Variants in UHRF1 observed in about 807,000 individuals in gnomAD.
The protein encoded by UHRF1 is ubiquitin like with PHD and ring finger domains 1, also known as E3 ubiquitin-protein ligase UHRF1.
In UHRF1, 9 loss-of-function variants were observed where a neutral mutation model predicts 96.5. The observed-to-expected ratio is 0.09, with a 90% confidence interval of 0.06 to 0.16. The LOEUF (loss-of-function observed/expected upper bound fraction) is 0.16. Among genes scored for constraint, UHRF1 ranks in the 10% least tolerant of loss-of-function variants. The pLI is 1.00. For synonymous variants in UHRF1, 455 were observed against 469.9 expected, an observed-to-expected ratio of 0.97 and a Z score of 0.41; for missense variants, 626 against 1,131.1, an observed-to-expected ratio of 0.55 and a Z score of 6.40.
chr19:4,929,058 G>C (rs1327065677), intron 2 of UHRF1, among the ~76,000 whole-genome samples, 164 bp from the exon 3 acceptor site: 1 of 152,198 alleles, frequency 6.6e-6, no homozygotes, highest in East Asian at 1.9e-4. Context: ...CTTGTGAGCG[G>C]GACAGCCCCC....
chr19:4,908,263 C>T (rs2656927), upstream of UHRF1, among the ~76,000 whole-genome samples: 15,088 of 152,142 alleles, frequency 0.099, 876 homozygotes, highest in Non-Finnish European at 0.13. Context: ...CGCATATCTT[C>T]GGGGGCCATG....
At chr19:4,957,420 C>T (rs147345704) in intron 16 of UHRF1, among the ~76,000 whole-genome samples, 1,733 of 151,286 alleles carry the variant, frequency 0.011, 19 homozygotes, top group Non-Finnish European at 0.019. Context: ...GCCATTCTCC[C>T]ACCTCAGCCT....
At chr19:4,959,882 G>A (rs185595764) in intron 16 of UHRF1, among the ~76,000 whole-genome samples, 6 of 151,646 alleles carry the variant, frequency 4.0e-5, no homozygotes, top group East Asian at 1.9e-4. Flanking sequence ...TCTTTGAGAC[G>A]CAGAGTCTTG....
intron 7 of UHRF1, among the ~76,000 whole-genome samples, chr19:4,942,254 G>A (rs959080128): frequency 2.6e-5 from 4 of 151,720 alleles, no homozygotes; most frequent in Admixed American, 6.6e-5. Context: ...GCAGTGGCGC[G>A]ATCTCAGCTC....
Position 4,941,675 on chromosome 19 carries a change from G to T in UHRF1, c.886+47G>T, listed in dbSNP as rs1310267859. ...CCCCATCTTCCGCGGTGGGCACGGGGCGGGGGCTCTTGTCCCGTCTCTGGC... is the reference window on the plus strand; with the variant it reads ...CCCCATCTTCCGCGGTGGGCACGGGTCGGGGGCTCTTGTCCCGTCTCTGGC... On this transcript the variant is annotated intron_variant, in intron 6 of 16. Transcript: ENST00000650932. The T allele has an allele frequency of 3.2e-6, 5 of 1,584,304 alleles. No homozygotes were observed. In the African/African-American group the frequency reaches 4.0e-5, roughly 13 times the overall value.
At chr19:4,959,689 A>T (rs1391709458) in intron 16 of UHRF1, among the ~76,000 whole-genome samples, 2 of 151,724 alleles carry the variant, frequency 1.3e-5, no homozygotes, top group Non-Finnish European at 2.9e-5. Context: ...CTTTCTTCTC[A>T]TTGACGTGTA....
Position 4,933,017 on chromosome 19 carries a change from C to G in UHRF1, c.785+61C>G. The stretch of plus-strand genomic sequence containing the variant: ...TCCTTTCCTCCCCTCCCGGGGCCCC[C>G]GGACTGGCTTTGAAGCCGTCCAGCC... On this transcript the variant is annotated intron_variant, in intron 5 of 16. Transcript: ENST00000650932. 2.0e-6 allele frequency: 3 copies of G among 1,506,152 alleles called. 1 individual carries two copies. The South Asian group carries it at 3.8e-5, about 19-fold the overall frequency. 93.3% of individuals were successfully genotyped at this position (1,506,152 alleles called of 1,614,324 possible).
chr19:4,954,921 C>G lies in UHRF1; in HGVS notation c.2130+99C>G. On this transcript the variant is annotated intron_variant, in intron 15 of 16. Transcript: ENST00000650932. The surrounding 1 kb of genome is among the most constrained non-coding windows in gnomAD (Gnocchi z 5.9). Reference sequence around the variant, plus strand: ...GTTCCCCATTTTCAAGTGTACAGCTCAGTCGCACTGAGTACATTCTTGTGG... The same window carrying G: ...GTTCCCCATTTTCAAGTGTACAGCTGAGTCGCACTGAGTACATTCTTGTGG... The G allele has an allele frequency of 6.9e-7, 1 of 1,439,222 alleles. No individual in the cohort carries two copies. Among genetic ancestry groups the G allele is most frequent in the Non-Finnish European group, 9.6e-7 (1 of 1,045,306 alleles). 89.2% of individuals were successfully genotyped at this position (1,439,222 alleles called of 1,614,324 possible).
chr19:4,909,378 C>G, upstream of UHRF1: 1 of 620,100 alleles, frequency 1.6e-6, no homozygotes, highest in South Asian at 1.8e-5. Context: ...GCGGGGGCGC[C>G]CCCCACCCTC....
chr19:4,926,601 C>T (rs1394191059), intron 2 of UHRF1, among the ~76,000 whole-genome samples: 3 of 151,940 alleles, frequency 2.0e-5, no homozygotes, highest in Non-Finnish European at 4.4e-5. Flanking sequence ...AGCAAGACCT[C>T]ATCTCTAAAA....
At chr19:4,924,331 A>T (rs576711976) in intron 2 of UHRF1, among the ~76,000 whole-genome samples, 52 of 152,080 alleles carry the variant, frequency 3.4e-4, no homozygotes, top group African/African-American at 1.3e-3. Context: ...TTGTATTTTT[A>T]GTAGAGATGG....
chr19:4,938,734 T>TG, intron 5 of UHRF1, among the ~76,000 whole-genome samples: 1 of 80,788 alleles, frequency 1.2e-5, no homozygotes, highest in Non-Finnish European at 2.3e-5. Flanking sequence ...GGTCAGGTTT[T>TG]TTTTTTTTTT....
chr19:4,950,107 G>A (rs1169501685), intron 11 of UHRF1, among the ~76,000 whole-genome samples: 1 of 151,360 alleles, frequency 6.6e-6, no homozygotes, highest in Non-Finnish European at 1.5e-5. Flanking sequence ...CTGGGCTCAG[G>A]CAATCCTCCT....
At chr19:4,913,463 C>T (rs889289522) in intron 2 of UHRF1, among the ~76,000 whole-genome samples, 8 of 151,996 alleles carry the variant, frequency 5.3e-5, no homozygotes, top group Non-Finnish European at 1.2e-4. Flanking sequence ...CCATGTTGGC[C>T]AGGCTGGTCT....
chr19:4,938,281 G>A (rs1339760611), intron 5 of UHRF1, among the ~76,000 whole-genome samples: 1 of 152,052 alleles, frequency 6.6e-6, no homozygotes, highest in Non-Finnish European at 1.5e-5. Context: ...GTTTCATCAT[G>A]TTTGAGCTGA....
At chr19:4,903,355 C>A (rs1162109861) in exon 1 of UHRF1, 1 of 159,944 alleles carries the variant, frequency 6.3e-6, no homozygotes, top group East Asian at 1.8e-4. Context: ...TTCTGTCACC[C>A]AGGCTGGAGT....
At position 4,947,490 on chromosome 19, in the gene UHRF1, C is replaced by CTTTTTTTTTTTTTTTTTTTTTT. The variant is rs985069179; in HGVS notation, c.1517+287_1517+308dup. On this transcript the variant is annotated intron_variant, in intron 11 of 16. Transcript: ENST00000650932. ...CTATAAAAGGCCAGATAATAGATATCTTTTTTTTTTTTTTTTTTTTTTTTT... is the reference window on the plus strand; with the variant it reads ...CTATAAAAGGCCAGATAATAGATATCTTTTTTTTTTTTTTTTTTTTTTTTTTTTTTTTTTTTTTTTTTTTTTT... Among the ~76,000 whole-genome samples the CTTTTTTTTTTTTTTTTTTTTTT allele has an allele frequency of 1.0e-4, 6 of 57,860 alleles. 1 individual carries two copies. The highest frequency in any genetic ancestry group is 1.6e-4 in the Non-Finnish European group (5 of 32,214). 38.0% of individuals were successfully genotyped at this position (57,860 alleles called of 152,430 possible).
At chr19:4,912,858 C>T (rs1213596294) in intron 2 of UHRF1, among the ~76,000 whole-genome samples, 1 of 152,094 alleles carries the variant, frequency 6.6e-6, no homozygotes, top group African/African-American at 2.4e-5. Context: ...TTCCTGGGCT[C>T]AAGCAATCCT....
chr19:4,935,854 C>T (rs2033200104), intron 5 of UHRF1, among the ~76,000 whole-genome samples: 1 of 152,150 alleles, frequency 6.6e-6, no homozygotes, highest in Admixed American at 6.5e-5. Flanking sequence ...ACCTTAGGCT[C>T]CATCCGCACC....
Sources: allele counts gnomAD v4.1 joint callset (sites outside exome capture counted in the v4.1 genomes callset), GRCh38; gene constraint gnomAD v4.1.1; non-coding constraint Gnocchi (gnomAD v3.1); transcripts MANE v1.5; gene names NCBI Gene and HGNC (gene_info 2026-07-23, HGNC 2026-07-21).